ZNF90: variants seen among roughly 807,000 people sequenced by gnomAD.
ZNF90 encodes zinc finger protein 90, also known as zinc finger protein HTF9.
In ZNF90, 11 loss-of-function variants were observed where a neutral mutation model predicts 12.0. That is an observed-to-expected ratio of 0.92 (90% confidence interval 0.58 to 1.52). ZNF90 has a LOEUF of 1.52. Among genes scored for constraint, ZNF90 ranks in the 40% most tolerant of loss-of-function variants. The pLI is 0.00. For missense variants in ZNF90, 765 were observed against 711.5 expected, an observed-to-expected ratio of 1.08 and a Z score of -0.86; for synonymous variants, 232 against 240.1, an observed-to-expected ratio of 0.97 and a Z score of 0.31.
rs1334316668 is a variant in ZNF90 at position 20,120,800 on chromosome 19, A to G, written c.*1440A>G. ...TTGAAAGTATACTTGCTTTCTTGAG[A>G]AAAAATTTTTGAAAAGTGAATAAGG... On this transcript the variant is annotated 3_prime_UTR_variant, in exon 4 of 4. Transcript: ENST00000418063. 3 of 152,178 alleles carry G rather than the reference A, an allele frequency of 2.0e-5. No homozygotes were observed. The highest frequency in any genetic ancestry group is 2.9e-5 in the Non-Finnish European group (2 of 68,028). The allele number at this position is 152,178 out of a possible 1,614,324, so 9.4% of individuals were successfully genotyped here.
rs531885978 is a variant in ZNF90 at position 20,098,490 on chromosome 19, A to G, written c.4-5749A>G. On this transcript the variant is annotated intron_variant, in intron 1 of 3. Transcript: ENST00000418063. ...AGGAGTGAGAGATCAAGGCCACAAA[A>G]TATCCAGAGCCATGACCACAACTAT... Among the ~76,000 whole-genome samples the G allele has an allele frequency of 3.9e-5, 6 of 152,346 alleles. No homozygotes were observed. The East Asian group carries it at 1.2e-3, about 29-fold the overall frequency.
At chr19:20,109,873 G>A (rs1450949483) in intron 3 of ZNF90, among the ~76,000 whole-genome samples, 2 of 151,912 alleles carry the variant, frequency 1.3e-5, no homozygotes, top group Non-Finnish European at 2.9e-5. Context: ...CAGGCATGTT[G>A]TTATGCAAAA....
At chr19:20,114,700 G>T (rs2089121025) in intron 3 of ZNF90, among the ~76,000 whole-genome samples, 1 of 151,912 alleles carries the variant, frequency 6.6e-6, no homozygotes, top group Admixed American at 6.6e-5. Context: ...CTAACAGGTG[G>T]TCCATAAAGA....
chr19:20,112,332 A>T (rs568957605), intron 3 of ZNF90, among the ~76,000 whole-genome samples: 16 of 141,548 alleles, frequency 1.1e-4, no homozygotes, highest in Admixed American at 2.9e-4. Flanking sequence ...TATTATTATT[A>T]TTTTTTTGAG....
intron 3 of ZNF90, among the ~76,000 whole-genome samples, chr19:20,115,335 T>C (rs2089127596): frequency 6.6e-6 from 1 of 151,870 alleles, no homozygotes; most frequent in South Asian, 2.1e-4. Context: ...TAAATAGTTT[T>C]CTGAAAGAGA....
intron 1 of ZNF90, among the ~76,000 whole-genome samples, chr19:20,082,737 A>AT (rs2088829544): frequency 6.6e-6 from 1 of 152,180 alleles, no homozygotes; most frequent in African/African-American, 2.4e-5. Context: ...AGACCTGACC[A>AT]TCCCCCAGCC....
chr19:20,090,722 C>T (rs2088895733), intron 1 of ZNF90, among the ~76,000 whole-genome samples: 2 of 152,144 alleles, frequency 1.3e-5, no homozygotes, highest in South Asian at 4.1e-4. Context: ...ACCTAGAGGG[C>T]TGGTGTCTGG....
Position 20,118,655 on chromosome 19 carries a change from A to C in ZNF90, c.1101A>C (p.Lys367Asn). The change falls in exon 4 of 4, where the codon AAA (lysine) becomes AAC (asparagine). Residue 367 changes from lysine (K) to asparagine (N), a missense_variant. Coordinates refer to ENST00000418063, the MANE Select transcript of ZNF90 (RefSeq NM_007138.2). ...RTHKRIHTGE[K>N]PYKCDKCGKA... ...ATAAGAGAATTCATACTGGAGAGAA[A>C]CCCTACAAGTGTGATAAATGTGGCA... 6.4e-7 allele frequency: 1 copy of C among 1,568,438 alleles called. No homozygotes were observed. Among genetic ancestry groups the C allele is most frequent in the East Asian group, 2.6e-5 (1 of 37,762 alleles).
intron 1 of ZNF90, among the ~76,000 whole-genome samples, chr19:20,085,799 T>C (rs2088854901): frequency 6.6e-6 from 1 of 152,240 alleles, no homozygotes; most frequent in Non-Finnish European, 1.5e-5. Context: ...TATTAACAGC[T>C]AAATAAACCT....
intron 1 of ZNF90, among the ~76,000 whole-genome samples, chr19:20,084,262 G>C (rs961647779): frequency 1.3e-5 from 2 of 151,778 alleles, no homozygotes; most frequent in Non-Finnish European, 2.9e-5. Flanking sequence ...TCACCATATT[G>C]GTCAGGCTGG....
intron 1 of ZNF90, among the ~76,000 whole-genome samples, chr19:20,092,356 A>C (rs1362109117): frequency 6.6e-6 from 1 of 152,210 alleles, no homozygotes; most frequent in Non-Finnish European, 1.5e-5. Flanking sequence ...AGCCTAAAAC[A>C]GTAAGGTCAA....
intron 1 of ZNF90, among the ~76,000 whole-genome samples, chr19:20,088,917 G>A (rs937095774): frequency 2.0e-5 from 3 of 152,194 alleles, no homozygotes; most frequent in Non-Finnish European, 4.4e-5. Context: ...GGTGTCATGA[G>A]GGGAACAGGG....
chr19:20,118,856 C>G lies in ZNF90; in HGVS notation c.1302C>G (p.Phe434Leu). The G allele has an allele frequency of 6.2e-7, 1 of 1,605,736 alleles. No homozygotes were observed. Among genetic ancestry groups the G allele is most frequent in the Non-Finnish European group, 8.5e-7 (1 of 1,176,266 alleles). Residue 434 changes from phenylalanine (F) to leucine (L), a missense_variant, in exon 4 of 4, where the codon TTC becomes TTG. Physicochemically the swap from Phe to Leu is conservative, Grantham distance 22. Coordinates refer to ENST00000418063, the MANE Select transcript of ZNF90 (RefSeq NM_007138.2). ...AATGTCAAGAATGTGACAAAGTCTT[C>G]AAACGCTCCTCAGCCCTTAGCACAC... ...PYKCQECDKV[F>L]KRSSALSTHK...
intron 1 of ZNF90, among the ~76,000 whole-genome samples, chr19:20,091,879 C>T (rs1351185251): frequency 6.6e-6 from 1 of 152,142 alleles, no homozygotes; most frequent in African/African-American, 2.4e-5. Flanking sequence ...GTTCGGCTTG[C>T]TGAGAGGTAG....
Position 20,097,500 on chromosome 19 carries a change from G to T in ZNF90, c.4-6739G>T, listed in dbSNP as rs782152230. On this transcript the variant is annotated intron_variant, in intron 1 of 3. Transcript: ENST00000418063. ...CAGTTATTTTACCTCTTTGACTCTT[G>T]TATTTTCAGACCTGAAACGGATTCA... Among the ~76,000 whole-genome samples, 18 of 152,152 alleles carry T rather than the reference G, an allele frequency of 1.2e-4. 1 individual carries two copies. Among genetic ancestry groups the T allele is most frequent in the Non-Finnish European group, 2.6e-4 (18 of 68,024 alleles).
chr19:20,100,396 A>G (rs782278280), intron 1 of ZNF90, among the ~76,000 whole-genome samples: 1 of 152,172 alleles, frequency 6.6e-6, no homozygotes, highest in Non-Finnish European at 1.5e-5. Flanking sequence ...CAGGCCATAC[A>G]TTTCAATCCC....
intron 3 of ZNF90, 128 bp from the exon 4 acceptor site, chr19:20,117,653 G>T (rs2089151832): frequency 7.1e-7 from 1 of 1,403,558 alleles, no homozygotes; most frequent in Non-Finnish European, 9.3e-7. Context: ...GAAGTAATGT[G>T]TTCTTATTGT....
intron 1 of ZNF90, among the ~76,000 whole-genome samples, chr19:20,086,094 A>G (rs1021809617): frequency 6.6e-6 from 1 of 152,236 alleles, no homozygotes; most frequent in African/African-American, 2.4e-5. Flanking sequence ...TGCAAAAGCA[A>G]GAACAGTTCA....
At chr19:20,097,446 G>T (rs2088957399) in intron 1 of ZNF90, among the ~76,000 whole-genome samples, 1 of 152,166 alleles carries the variant, frequency 6.6e-6, no homozygotes, top group Non-Finnish European at 1.5e-5. Flanking sequence ...GGCTAGATCA[G>T]ATTTCTATAA....
Sources: allele counts gnomAD v4.1 joint callset (sites outside exome capture counted in the v4.1 genomes callset), GRCh38; gene constraint gnomAD v4.1.1; transcripts MANE v1.5; gene names NCBI Gene and HGNC (gene_info 2026-07-23, HGNC 2026-07-21).